AOAH: variants seen among roughly 807,000 people sequenced by gnomAD.
The protein encoded by AOAH is acyloxyacyl hydrolase (neutrophil).
In AOAH, 64 loss-of-function variants were observed where a neutral mutation model predicts 92.2. The observed-to-expected ratio is 0.69, with a 90% CI of 0.57 to 0.86. AOAH has a LOEUF of 0.86. Ranked by LOEUF, AOAH falls within the 40% of genes least tolerant of loss-of-function variation. The pLI is 0.00. For missense variants in AOAH, 656 were observed against 694.6 expected, an observed-to-expected ratio of 0.94 and a Z score of 0.62; for synonymous variants, 263 against 254.5, an observed-to-expected ratio of 1.03 and a Z score of -0.32.
intron 1 of AOAH, among the ~76,000 whole-genome samples, chr7:36,704,053 G>A (rs1798218776): frequency 6.6e-6 from 1 of 152,130 alleles, no homozygotes; most frequent in African/African-American, 2.4e-5. Context: ...GTCTGAAGGT[G>A]TGAGATGGTA....
chr7:36,621,285 T>C (rs1446515860), intron 8 of AOAH, among the ~76,000 whole-genome samples: 3 of 152,220 alleles, frequency 2.0e-5, no homozygotes, highest in Non-Finnish European at 2.9e-5. Flanking sequence ...GGCTAATATA[T>C]GACATGTTTT....
intron 20 of AOAH, among the ~76,000 whole-genome samples, chr7:36,517,579 G>A (rs891661052): frequency 6.9e-6 from 1 of 145,368 alleles, no homozygotes; most frequent in Non-Finnish European, 1.5e-5. Context: ...GGGGTGTAGA[G>A]CCTTTCTGAC....
chr7:36,629,934 T>TAATC (rs1792957110), intron 6 of AOAH, among the ~76,000 whole-genome samples: 1 of 152,098 alleles, frequency 6.6e-6, no homozygotes, highest in South Asian at 2.1e-4. Flanking sequence ...TTTACAAGTG[T>TAATC]AATCAAATCA....
At chr7:36,721,226 C>T (rs539760271) in intron 1 of AOAH, among the ~76,000 whole-genome samples, 1 of 152,286 alleles carries the variant, frequency 6.6e-6, no homozygotes, top group East Asian at 1.9e-4. Flanking sequence ...CAGGTCACAT[C>T]GAGGGACTGT....
At chr7:36,559,296 T>C (rs1787080384) in intron 13 of AOAH, among the ~76,000 whole-genome samples, 1 of 152,230 alleles carries the variant, frequency 6.6e-6, no homozygotes, top group East Asian at 1.9e-4. Context: ...AAATGGTAGT[T>C]CTCAAAGTTC....
chr7:36,519,013 C>T lies in AOAH; in HGVS notation c.1599+3026G>A, dbSNP rs367845631. ...CTCTGTGTTTGGTCATTTAAAAAAT[C>T]TTTTTAAAATACAACTTTTCCTTTT... On this transcript the variant is annotated intron_variant, in intron 20 of 20. Transcript: ENST00000617537. 3.9e-5 allele frequency among the ~76,000 whole-genome samples: 6 copies of T among 152,190 alleles called. 1 individual carries two copies. The East Asian group carries it at 5.8e-4, about 15-fold the overall frequency.
chr7:36,520,287 C>T (rs1011882401), intron 20 of AOAH, among the ~76,000 whole-genome samples: 8 of 152,202 alleles, frequency 5.3e-5, no homozygotes, highest in Non-Finnish European at 7.3e-5. Flanking sequence ...CTTTGATCCT[C>T]CTCTTTTTAG....
At chr7:36,545,069 A>G (rs1399569063) in intron 15 of AOAH, among the ~76,000 whole-genome samples, 1 of 150,948 alleles carries the variant, frequency 6.6e-6, no homozygotes, top group Non-Finnish European at 1.5e-5. Flanking sequence ...TTTTTTAAAT[A>G]GAGACAGGGT....
chr7:36,578,463 A>G (rs1788690673), intron 12 of AOAH, among the ~76,000 whole-genome samples: 1 of 152,224 alleles, frequency 6.6e-6, no homozygotes, highest in Non-Finnish European at 1.5e-5. Flanking sequence ...GTCTCACAGA[A>G]CCAAATAACT....
chr7:36,571,861 C>T (rs1352325240), intron 13 of AOAH, among the ~76,000 whole-genome samples: 2 of 151,968 alleles, frequency 1.3e-5, no homozygotes, highest in African/African-American at 4.8e-5. Context: ...TTTTTCAAAT[C>T]GACTTCTTTC....
intron 13 of AOAH, among the ~76,000 whole-genome samples, chr7:36,572,072 C>T (rs183869537): frequency 1.4e-3 from 217 of 152,162 alleles, no homozygotes; most frequent in African/African-American, 4.9e-3. Flanking sequence ...ATCCCAATTA[C>T]CCTGATTTGA....
chr7:36,653,847 G>C (rs188110109), intron 4 of AOAH, among the ~76,000 whole-genome samples: 2 of 152,316 alleles, frequency 1.3e-5, no homozygotes, highest in Non-Finnish European at 2.9e-5. Context: ...TCAAAGCTAC[G>C]AGGTCTGCCT....
At chr7:36,522,232 G>A (rs192427464) in intron 19 of AOAH, 117 bp from the exon 20 acceptor site, 54 of 804,400 alleles carry the variant, frequency 6.7e-5, no homozygotes, top group Middle Eastern at 2.3e-4. Context: ...ACCAAGCCAC[G>A]GCTGCCTCTG....
intron 4 of AOAH, among the ~76,000 whole-genome samples, chr7:36,647,776 G>T (rs184003335): frequency 3.3e-5 from 5 of 151,292 alleles, no homozygotes; most frequent in Admixed American, 3.3e-4. Flanking sequence ...AGAAAAGATG[G>T]AACAATAGAG....
At chr7:36,713,404 C>T (rs1584179083) in intron 1 of AOAH, among the ~76,000 whole-genome samples, 2 of 152,110 alleles carry the variant, frequency 1.3e-5, no homozygotes, top group Non-Finnish European at 1.5e-5. Flanking sequence ...CCACTGTCAA[C>T]ATTAGACAGA....
chr7:36,666,547 G>A lies in AOAH; in HGVS notation c.291-7282C>T, dbSNP rs1402751080. 2.0e-5 allele frequency among the ~76,000 whole-genome samples: 3 copies of A among 151,676 alleles called. No individual in the cohort carries two copies. The South Asian group carries it at 6.2e-4, about 32-fold the overall frequency. On this transcript the variant is annotated intron_variant, in intron 3 of 20. Transcript: ENST00000617537. ...TCTATTTCTATATTAAATTTCTATT[G>A]ATTTCCTATGGTCAATTTCCTTGTT... is the stretch of plus-strand genomic sequence containing the variant.
At chr7:36,681,479 T>G (rs189640554) in intron 2 of AOAH, among the ~76,000 whole-genome samples, 1 of 151,888 alleles carries the variant, frequency 6.6e-6, no homozygotes. Flanking sequence ...GGGAGGAGTA[T>G]GGAAAGATGG....
At chr7:36,537,440 C>T (rs374727669) in intron 16 of AOAH, among the ~76,000 whole-genome samples, 2 of 151,586 alleles carry the variant, frequency 1.3e-5, no homozygotes, top group Admixed American at 6.6e-5. Flanking sequence ...GGTGCCGTCT[C>T]GTGCATTGTA....
chr7:36,600,544 G>A (rs1467863080), intron 11 of AOAH, among the ~76,000 whole-genome samples: 1 of 152,094 alleles, frequency 6.6e-6, no homozygotes, highest in African/African-American at 2.4e-5. Context: ...GGGAGACGGC[G>A]CACACCACTG....
Sources: allele counts gnomAD v4.1 joint callset (sites outside exome capture counted in the v4.1 genomes callset), GRCh38; gene constraint gnomAD v4.1.1; transcripts MANE v1.5; gene names NCBI Gene and HGNC (gene_info 2026-07-23, HGNC 2026-07-21).